Variants in XIRP2 observed in about 807,000 individuals in gnomAD.
XIRP2 encodes the protein xin actin-binding repeat-containing protein 2.
XIRP2 carries 236 observed loss-of-function variants against 277.0 expected under a neutral mutation model. That is an observed-to-expected ratio of 0.85 (90% CI 0.77 to 0.95). The LOEUF is 0.95. Among genes scored for constraint, XIRP2 ranks in the 40% least tolerant of loss-of-function variants. The pLI, the probability that XIRP2 is intolerant of heterozygous loss-of-function variation, is 0.00. For missense variants in XIRP2, 4,640 were observed against 4,157.5 expected, an observed-to-expected ratio of 1.12 and a Z score of -3.19; for synonymous variants, 1,490 against 1,416.5, an observed-to-expected ratio of 1.05 and a Z score of -1.17.
chr2:167,201,186 GAGAGAAAGAAAGAAAGAAAGAA>G (rs1312605066), intron 3 of XIRP2, among the ~76,000 whole-genome samples: 32 of 116,720 alleles, frequency 2.7e-4, no homozygotes, highest in Middle Eastern at 4.3e-3. Flanking sequence ...GAAAGAGAGA[GAGAGAAAGAAAGAAAGAAAGAA>G]AGAAAGAAAG....
chr2:167,243,428 C>A lies in XIRP2; in HGVS notation c.2036C>A (p.Thr679Asn), dbSNP rs1476250386. The change falls in exon 9 of 11, where the codon ACT (threonine) becomes AAT (asparagine). Residue 679 changes from threonine (T) to asparagine (N), a missense_variant. Coordinates refer to ENST00000409195, the MANE Select transcript of XIRP2 (RefSeq NM_152381.6). ...CAAAGTCAAGAAGAATCAGCGGTAA[C>A]TATCAGTAAGGACATAACTGGGGGG... ...MHQSQEESAV[T>N]ISKDITGGDV... 4.3e-6 allele frequency: 7 copies of A among 1,613,954 alleles called. No individual in the cohort carries two copies. Among genetic ancestry groups the A allele is most frequent in the Non-Finnish European group, 5.9e-6 (7 of 1,179,956 alleles).
At chr2:166,898,211 A>C (rs1684293368) in intron 1 of XIRP2, among the ~76,000 whole-genome samples, 1 of 152,168 alleles carries the variant, frequency 6.6e-6, no homozygotes, top group Non-Finnish European at 1.5e-5. Context: ...TGAGAAAGCT[A>C]AACATTGTGC....
At chr2:167,096,724 C>A (rs1288856878) in intron 2 of XIRP2, among the ~76,000 whole-genome samples, 1 of 152,098 alleles carries the variant, frequency 6.6e-6, no homozygotes, top group Non-Finnish European at 1.5e-5. Flanking sequence ...AGCTTTGTCC[C>A]AGGGATTCTG....
rs952576684 is a variant in XIRP2, at chr2:167,250,042, A to G, written c.8650A>G (p.Lys2884Glu). The G allele has an allele frequency of 6.8e-6, 11 of 1,613,584 alleles. No homozygotes were observed. Among genetic ancestry groups the G allele is most frequent in the Non-Finnish European group, 9.3e-6 (11 of 1,179,698 alleles). ...IQTAESKAEH[K>E]KLPQPYNSLQ... ...GACCGCTGAAAGTAAAGCTGAACATAAAAAATTGCCCCAGCCATATAATAG... is the reference window on the plus strand; with the variant it reads ...GACCGCTGAAAGTAAAGCTGAACATGAAAAATTGCCCCAGCCATATAATAG... The change falls in exon 9 of 11, where the codon AAA becomes GAA. Residue 2884 changes from lysine to glutamate, a missense_variant. By Grantham distance (56) the Lys-to-Glu change is moderately conservative. Coordinates refer to ENST00000409195, the MANE Select transcript of XIRP2 (RefSeq NM_152381.6).
intron 2 of XIRP2, among the ~76,000 whole-genome samples, chr2:166,940,831 C>T (rs1156397747): frequency 6.6e-6 from 1 of 152,132 alleles, no homozygotes; most frequent in Non-Finnish European, 1.5e-5. Context: ...GGGTACCTGG[C>T]CATGTGGGGT....
intron 5 of XIRP2, among the ~76,000 whole-genome samples, chr2:167,218,942 G>T (rs1000419377): frequency 1.3e-5 from 2 of 152,080 alleles, no homozygotes; most frequent in Non-Finnish European, 2.9e-5. Context: ...TTTGAAAAAT[G>T]TTAATAGTAA....
rs774110738 is a variant in XIRP2 at position 167,246,447 on chromosome 2, A to T, written c.5055A>T (p.Gly1685=). Residue 1685 remains glycine (G), a synonymous_variant, in exon 9 of 11, where the codon GGA becomes GGT. Coordinates refer to ENST00000409195, the MANE Select transcript of XIRP2 (RefSeq NM_152381.6). ...TCTTAATTCAGGAAGATGAAAAAGG[A>T]GATATTAACATGACTATCTATTGTC... The part of the protein sequence containing the change: ...KGILIQEDEK[G]DINMTIYCLL... 1.2e-6 allele frequency: 2 copies of T among 1,613,774 alleles called. No individual in the cohort carries two copies. Among genetic ancestry groups the T allele is most frequent in the Non-Finnish European group, 1.7e-6 (2 of 1,179,814 alleles).
intron 3 of XIRP2, chr2:167,184,695 T>A (rs1693108658): frequency 7.1e-6 from 5 of 704,356 alleles, no homozygotes; most frequent in Non-Finnish European, 1.3e-5. Context: ...TTGGTTTGGC[T>A]ATCTCTGATG....
At chr2:167,026,990 G>T (rs1688180283) in intron 2 of XIRP2, among the ~76,000 whole-genome samples, 1 of 152,022 alleles carries the variant, frequency 6.6e-6, no homozygotes, top group Non-Finnish European at 1.5e-5. Context: ...TCTTGGTGTT[G>T]CTCTTCTTGA....
At chr2:167,224,578 G>A (rs1694538411) in intron 5 of XIRP2, among the ~76,000 whole-genome samples, 1 of 151,578 alleles carries the variant, frequency 6.6e-6, no homozygotes, top group African/African-American at 2.4e-5. Context: ...ATTTTGAAGG[G>A]GATAAACCTT....
At chr2:167,027,986 A>G (rs1013140700) in intron 2 of XIRP2, among the ~76,000 whole-genome samples, 9 of 152,088 alleles carry the variant, frequency 5.9e-5, no homozygotes, top group African/African-American at 2.2e-4. Context: ...CTGCAGGAGG[A>G]AAACAAATGG....
At chr2:167,170,365 T>C (rs756043868) in intron 3 of XIRP2, among the ~76,000 whole-genome samples, 1 of 152,104 alleles carries the variant, frequency 6.6e-6, no homozygotes, top group African/African-American at 2.4e-5. Flanking sequence ...TGAAAAAAAT[T>C]TTAGGAAATA....
rs111695648 is a variant in XIRP2 at position 167,080,380 on chromosome 2, G to A, written c.409-55529G>A. Among the ~76,000 whole-genome samples, 641 of 152,244 alleles carry A rather than the reference G, an allele frequency of 4.2e-3. 1 individual carries two copies. Among genetic ancestry groups the A allele is most frequent in the Non-Finnish European group, 5.1e-3 (350 of 68,014 alleles). On this transcript the variant is annotated intron_variant, in intron 2 of 10. Coordinates refer to ENST00000409195, the MANE Select transcript of XIRP2 (RefSeq NM_152381.6). ...TTGCACTGTCCTGGAGAAAACATGA[G>A]GATACTGCCAGACTAACTGATACTG...
rs1353011727 is a variant in XIRP2, at chr2:167,210,612, T to A, written c.563-123T>A. ...GATGACCATGAGACATTGAAAATAT[T>A]GTGAAATGCTACAGTCCATTTTACG... On this transcript the variant is annotated intron_variant, in intron 3 of 10. Coordinates refer to ENST00000409195, the MANE Select transcript of XIRP2 (RefSeq NM_152381.6). 16 of 1,277,962 alleles carry A rather than the reference T, an allele frequency of 1.3e-5. No homozygotes were observed. The South Asian group carries it at 2.3e-4, about 19-fold the overall frequency. The allele number at this position is 1,277,962 out of a possible 1,614,324, so 79.2% of individuals were successfully genotyped here.
intron 5 of XIRP2, among the ~76,000 whole-genome samples, chr2:167,232,427 A>C (rs1054363678): frequency 2.0e-5 from 3 of 149,020 alleles, no homozygotes; most frequent in Non-Finnish European, 4.4e-5. Context: ...CTAAATCTAC[A>C]CCTTCTCTGG....
rs1291278824 is a variant in XIRP2 at position 167,188,294 on chromosome 2, A to C, written c.563-22441A>C. On this transcript the variant is annotated intron_variant, in intron 3 of 10. Transcript: ENST00000409195. ...CGGGCCTTAAATGTTTAGATGTTAG[A>C]GACTGAAGTGATTTGGAAGAGACGT... Among the ~76,000 whole-genome samples the C allele has an allele frequency of 2.6e-5, 4 of 152,310 alleles. No homozygotes were observed. In the East Asian group the frequency reaches 7.7e-4, roughly 29 times the overall value.
chr2:167,245,509 T>C lies in XIRP2; in HGVS notation c.4117T>C (p.Ser1373Pro). ...NKSETVYVIKSVTQEDIQKGD... is the reference protein window; with the variant it reads ...NKSETVYVIKPVTQEDIQKGD... Reference sequence around the variant, plus strand: ...ATCAGAAACTGTGTATGTTATTAAATCTGTCACACAAGAAGACATTCAGAA... The same window carrying C: ...ATCAGAAACTGTGTATGTTATTAAACCTGTCACACAAGAAGACATTCAGAA... The change falls in exon 9 of 11, where the codon TCT becomes CCT. Residue 1373 changes from serine (S) to proline (P), a missense_variant. Transcript: ENST00000409195. 3 of 1,613,578 alleles carry C rather than the reference T, an allele frequency of 1.9e-6. No homozygotes were observed. Among genetic ancestry groups the C allele is most frequent in the Non-Finnish European group, 2.5e-6 (3 of 1,179,730 alleles).
intron 2 of XIRP2, among the ~76,000 whole-genome samples, chr2:166,966,890 G>A (rs559916099): frequency 3.9e-4 from 59 of 152,124 alleles, no homozygotes; most frequent in African/African-American, 1.3e-3. Context: ...GCTTGGACAA[G>A]CAACATCAAC....
At chr2:167,109,211 A>C (rs1261551870) in intron 2 of XIRP2, among the ~76,000 whole-genome samples, 1 of 152,136 alleles carries the variant, frequency 6.6e-6, no homozygotes, top group Non-Finnish European at 1.5e-5. Context: ...TATTAAATAA[A>C]AATAATCTTA....
Sources: gnomAD v4.1 joint callset for allele counts (sites outside exome capture counted in the v4.1 genomes callset) on GRCh38, gnomAD v4.1.1 for gene constraint, MANE v1.5 for transcripts, NCBI Gene and HGNC (gene_info 2026-07-23, HGNC 2026-07-21) for gene names.